HAUS3: variants seen among roughly 807,000 people sequenced by gnomAD.
HAUS3 encodes HAUS augmin like complex subunit 3.
HAUS3 carries 36 observed loss-of-function variants against 55.2 expected under a neutral mutation model. That is an observed-to-expected ratio of 0.65 (90% CI 0.50 to 0.86). The LOEUF is 0.86. Ranked by LOEUF, HAUS3 falls within the 40% of genes least tolerant of loss-of-function variation. The pLI is 0.00. For missense variants in HAUS3, 752 were observed against 671.5 expected, an observed-to-expected ratio of 1.12 and a Z score of -1.33; for synonymous variants, 234 against 238.6, an observed-to-expected ratio of 0.98 and a Z score of 0.18.
rs1734761804 is a variant in HAUS3 at position 2,236,295 on chromosome 4, T to C, written c.1511A>G (p.Asn504Ser). ...QEHSFFLSKR[N>S]KDVDMLCDTL... is the part of the protein sequence containing the mutation. ...ATCACAAAGCATGTCCACATCCTTA[T>C]TCCGTTTGGACAGAAAGAAAGAATG... Residue 504 changes from asparagine to serine, a missense_variant, in exon 5 of 6, where the codon AAT becomes AGT. By Grantham distance (46) the Asn-to-Ser change is conservative. Coordinates refer to ENST00000443786, the MANE Select transcript of HAUS3 (RefSeq NM_001303143.2). The C allele has an allele frequency of 1.2e-6, 2 of 1,613,670 alleles. No individual in the cohort carries two copies. Among genetic ancestry groups the C allele is most frequent in the African/African-American group, 2.7e-5 (2 of 74,930 alleles).
At chr4:2,234,646 A>G (rs1734694219) in intron 5 of HAUS3, 1 of 152,246 alleles carries the variant, frequency 6.6e-6, no homozygotes, top group South Asian at 2.1e-4. Flanking sequence ...TAAAGAAAAG[A>G]AAACTATATG....
At chr4:2,237,500 G>T (rs534018212) in intron 4 of HAUS3, among the ~76,000 whole-genome samples, 2 of 151,206 alleles carry the variant, frequency 1.3e-5, no homozygotes, top group East Asian at 3.9e-4. Flanking sequence ...GGGAGAGGAA[G>T]GAAGGGAAAG....
In HAUS3 at chr4:2,228,956, A is replaced by C; in HGVS notation, c.*2971T>G. The C allele has an allele frequency of 3.0e-6, 2 of 657,950 alleles. No individual in the cohort carries two copies. The highest frequency in any genetic ancestry group is 6.2e-5 in the Admixed American group (2 of 32,308). 40.8% of individuals were successfully genotyped at this position (657,950 alleles called of 1,614,324 possible). On this transcript the variant is annotated 3_prime_UTR_variant, in exon 6 of 6. Coordinates refer to ENST00000443786, the MANE Select transcript of HAUS3 (RefSeq NM_001303143.2). ...GGGAACACGAAAGTTAGCAAGCAGA[A>C]GCTCAGTCTGCACTGAATGAGTGTA...
rs148077850 is a variant in HAUS3, at chr4:2,231,067, T to G, written c.*860A>C. 4.3e-4 allele frequency: 66 copies of G among 152,306 alleles called. No individual in the cohort carries two copies. Among genetic ancestry groups the G allele is most frequent in the African/African-American group, 1.1e-3 (47 of 41,572 alleles). 9.4% of individuals were successfully genotyped at this position (152,306 alleles called of 1,614,324 possible). A position where few individuals can be genotyped will look rare whatever the true frequency, so the allele number is the denominator to read the frequency against. The stretch of plus-strand genomic sequence containing the variant: ...CACTGCTCAGCTGTCTTGTAGAAAC[T>G]TTTGAGTCCCCAGAATTCAGACTCT... On this transcript the variant is annotated 3_prime_UTR_variant, in exon 6 of 6. Coordinates refer to ENST00000443786, the MANE Select transcript of HAUS3 (RefSeq NM_001303143.2).
intron 2 of HAUS3, 134 bp from the exon 3 acceptor site, chr4:2,241,227 TGATA>T: frequency 3.0e-6 from 1 of 329,964 alleles, no homozygotes; most frequent in Non-Finnish European, 5.4e-6. Context: ...TGTTTGATGA[TGATA>T]AAGAGAAACA....
chr4:2,240,125 A>C lies in HAUS3; in HGVS notation c.822T>G (p.His274Gln). The C allele has an allele frequency of 1.2e-6, 2 of 1,614,026 alleles. No homozygotes were observed. The highest frequency in any genetic ancestry group is 2.2e-5 in the South Asian group (2 of 91,064). The change falls in exon 3 of 6, where the codon CAT becomes CAG. Residue 274 changes from histidine to glutamine, a missense_variant. Coordinates refer to ENST00000443786, the MANE Select transcript of HAUS3 (RefSeq NM_001303143.2). ...RLQLAYICAQ[H>Q]QLIHLKASNS... ...TACTTGCTTTTAAGTGAATTAACTG[A>C]TGTTGAGCACAAATGTATGCGAGCT...
chr4:2,231,062 G>C lies in HAUS3; in HGVS notation c.*865C>G, dbSNP rs1260834527. ...CAAAGCACTGCTCAGCTGTCTTGTA[G>C]AAACTTTTGAGTCCCCAGAATTCAG... On this transcript the variant is annotated 3_prime_UTR_variant, in exon 6 of 6. Coordinates refer to ENST00000443786, the MANE Select transcript of HAUS3 (RefSeq NM_001303143.2). The C allele has an allele frequency of 6.6e-6, 1 of 152,180 alleles. No homozygotes were observed. The highest frequency in any genetic ancestry group is 2.4e-5 in the African/African-American group (1 of 41,436). 9.4% of individuals were successfully genotyped at this position (152,180 alleles called of 1,614,324 possible).
Position 2,241,057 on chromosome 4 carries a change from A to C in HAUS3, c.-111T>G. The C allele has an allele frequency of 1.3e-6, 1 of 763,548 alleles. No homozygotes were observed. Among genetic ancestry groups the C allele is most frequent in the Non-Finnish European group, 2.1e-6 (1 of 472,016 alleles). The allele number at this position is 763,548 out of a possible 1,614,324, so 47.3% of individuals were successfully genotyped here. A position where few individuals can be genotyped will look rare whatever the true frequency, so the allele number is the denominator to read the frequency against. On this transcript the variant is annotated 5_prime_UTR_variant, in exon 3 of 6. Coordinates refer to ENST00000443786, the MANE Select transcript of HAUS3 (RefSeq NM_001303143.2). Reference sequence around the variant, plus strand: ...ACGTTTTATACCAAGTCCACAGAGAAGGGAAAATATATTTTTAGAATCTAT... The same window carrying C: ...ACGTTTTATACCAAGTCCACAGAGACGGGAAAATATATTTTTAGAATCTAT...
rs117114414 is a variant in HAUS3, at chr4:2,237,370, A to G, written c.1350-914T>C. Among the ~76,000 whole-genome samples the G allele has an allele frequency of 1.2e-3, 173 of 146,920 alleles. 7 individuals carry two copies. In the East Asian group the frequency reaches 0.03, roughly 25 times the overall value. ...AGGATCACTTGAGCCCAGGAGCTGG[A>G]GGTTGCAGTGAGCTATCATCACATC... is the stretch of plus-strand genomic sequence containing the variant. On this transcript the variant is annotated intron_variant, in intron 4 of 5. Transcript: ENST00000443786.
Position 2,231,923 on chromosome 4 carries a change from A to C in HAUS3, c.*4T>G. 1 of 1,197,228 alleles carries C rather than the reference A, an allele frequency of 8.4e-7. No individual in the cohort carries two copies. The highest frequency in any genetic ancestry group is 1.2e-6 in the Non-Finnish European group (1 of 830,156). 74.2% of individuals were successfully genotyped at this position (1,197,228 alleles called of 1,614,324 possible). A position where few individuals can be genotyped will look rare whatever the true frequency, so the allele number is the denominator to read the frequency against. ...CGTAATAAAGATTCAGTTTTCAGTA[A>C]TTTTCAATCTTCAAGACTAACAGCC... On this transcript the variant is annotated 3_prime_UTR_variant, in exon 6 of 6. Transcript: ENST00000443786.
At chr4:2,237,458 A>G (rs187685809) in intron 4 of HAUS3, among the ~76,000 whole-genome samples, 1 of 151,988 alleles carries the variant, frequency 6.6e-6, no homozygotes, top group Non-Finnish European at 1.5e-5. Context: ...AGGGAAGGAA[A>G]GGAAGGGAAA....
intron 5 of HAUS3, among the ~76,000 whole-genome samples, chr4:2,232,675 AT>A (rs1734625344): frequency 6.4e-5 from 9 of 140,770 alleles, no homozygotes; most frequent in African/African-American, 2.9e-4. Context: ...AGAATTACAC[AT>A]GACATTCCAC....
rs1734997724 is a variant in HAUS3, at chr4:2,241,738, C to T, written c.-366G>A. On this transcript the variant is annotated 5_prime_UTR_variant, in exon 2 of 6. Transcript: ENST00000443786. ...CCAAGGCCGCGATACACCAGACGCG[C>T]CAGCGGCAAAACCTTCCTTCGGAGG... The T allele has an allele frequency of 2.0e-6, 2 of 985,508 alleles. No homozygotes were observed. Among genetic ancestry groups the T allele is most frequent in the Non-Finnish European group, 2.4e-6 (2 of 829,960 alleles). 61.0% of individuals were successfully genotyped at this position (985,508 alleles called of 1,614,324 possible).
chr4:2,230,279 A>C lies in HAUS3; in HGVS notation c.*1648T>G, dbSNP rs1447609999. ...CACTGAACTCCAGCCTGAGTGACAC[A>C]GTTAGACTCTGTCTCAAAAATTAAC... On this transcript the variant is annotated 3_prime_UTR_variant, in exon 6 of 6. Coordinates refer to ENST00000443786, the MANE Select transcript of HAUS3 (RefSeq NM_001303143.2). 2.6e-5 allele frequency: 4 copies of C among 152,100 alleles called. No homozygotes were observed. Among genetic ancestry groups the C allele is most frequent in the Middle Eastern group, 3.2e-3 (1 of 316 alleles). 9.4% of individuals were successfully genotyped at this position (152,100 alleles called of 1,614,324 possible).
In HAUS3 at chr4:2,229,269, A is replaced by C; in HGVS notation, c.*2658T>G. The C allele has an allele frequency of 6.6e-7, 1 of 1,523,426 alleles. No homozygotes were observed. The highest frequency in any genetic ancestry group is 8.9e-7 in the Non-Finnish European group (1 of 1,119,784). The allele number at this position is 1,523,426 out of a possible 1,614,324, so 94.4% of individuals were successfully genotyped here. ...CTAAATGTAAGATTAACATAAGATA[A>C]ATCCCATATATTAATCCTAAGACTA... is the stretch of plus-strand genomic sequence containing the variant. On this transcript the variant is annotated 3_prime_UTR_variant, in exon 6 of 6. Coordinates refer to ENST00000443786, the MANE Select transcript of HAUS3 (RefSeq NM_001303143.2).
chr4:2,237,277 T>TC lies in HAUS3; in HGVS notation c.1350-822_1350-821insG, dbSNP rs550470777. Among the ~76,000 whole-genome samples the TC allele has an allele frequency of 2.7e-4, 41 of 151,628 alleles. No homozygotes were observed. In the South Asian group the frequency reaches 8.3e-3, roughly 31 times the overall value. Reference sequence around the variant, plus strand: ...GAAGCCCCATCTCTACAAATTTTTTTTTTTTTTAATTAGCCAGGCATGGTG... The same window carrying TC: ...GAAGCCCCATCTCTACAAATTTTTTTCTTTTTTTAATTAGCCAGGCATGGTG... On this transcript the variant is annotated intron_variant, in intron 4 of 5. Transcript: ENST00000443786.
Position 2,238,842 on chromosome 4 carries a change from CTT to C in HAUS3, c.1109_1110del (p.Gln370ArgfsTer15), listed in dbSNP as rs761946359. On this transcript the variant is annotated frameshift_variant, in exon 4 of 6. Transcript: ENST00000443786. LOFTEE classifies it high-confidence loss of function. Reference sequence around the variant, plus strand: ...TTTATTAATTGATTTAAAACTAACTCTTGTCTTGCTGTATAATAATCTTGTTT... The same window carrying C: ...TTTATTAATTGATTTAAAACTAACTCGTCTTGCTGTATAATAATCTTGTTT... Reference protein sequence around the residue: ...IAKQDYYTARQELVLNQLIKQ... With the variant: ...IAKQDYYTARXELVLNQLIKQ... 5 of 1,613,216 alleles carry C rather than the reference CTT, an allele frequency of 3.1e-6. No homozygotes were observed. The highest frequency in any genetic ancestry group is 2.2e-5 in the East Asian group (1 of 44,782).
At position 2,235,967 on chromosome 4, in the gene HAUS3, AT is replaced by A. The variant is rs561447259; in HGVS notation, c.1578+260del. Among the ~76,000 whole-genome samples, 12 of 152,200 alleles carry A rather than the reference AT, an allele frequency of 7.9e-5. 1 individual carries two copies. The South Asian group carries it at 2.5e-3, about 32-fold the overall frequency. ...AAAAAATACAGAGGCGGTTTTATTT[AT>A]TTTTTAACACTAGTATAAACATTAC... On this transcript the variant is annotated intron_variant, in intron 5 of 5. Transcript: ENST00000443786.
chr4:2,230,678 T>C lies in HAUS3; in HGVS notation c.*1249A>G, dbSNP rs1577791359. 6.6e-6 allele frequency: 1 copy of C among 151,928 alleles called. No individual in the cohort carries two copies. The highest frequency in any genetic ancestry group is 1.9e-4 in the East Asian group (1 of 5,196). The allele number at this position is 151,928 out of a possible 1,614,324, so 9.4% of individuals were successfully genotyped here. ...TTTCTGATGGTTATAGCTAAAAAAT[T>C]CCATAAAGACCACCCAAAACATGTA... is the stretch of plus-strand genomic sequence containing the variant. On this transcript the variant is annotated 3_prime_UTR_variant, in exon 6 of 6. Transcript: ENST00000443786.
Sources: allele counts gnomAD v4.1 joint callset (sites outside exome capture counted in the v4.1 genomes callset), GRCh38; gene constraint gnomAD v4.1.1; transcripts MANE v1.5; gene names NCBI Gene and HGNC (gene_info 2026-07-23, HGNC 2026-07-21).